CREBBP: variants seen among roughly 807,000 people sequenced by gnomAD.
CREBBP encodes the protein CREB-binding protein.
A neutral mutation model predicts 265.0 loss-of-function variants in CREBBP; 19 were observed. The ratio of observed to expected loss-of-function variants is 0.07; its 90% CI spans 0.05 to 0.11. The LOEUF (loss-of-function observed/expected upper bound fraction) is 0.11, where lower values mean the gene tolerates loss of function less well. Ranked by LOEUF, CREBBP falls within the 10% of genes least tolerant of loss-of-function variation. The pLI, the probability that CREBBP is intolerant of heterozygous loss-of-function variation, is 1.00. For synonymous variants in CREBBP, 1,457 were observed against 1,223.7 expected, an observed-to-expected ratio of 1.19 and a Z score of -3.98; for missense variants, 2,525 against 3,219.0, an observed-to-expected ratio of 0.78 and a Z score of 5.22.
At chr16:3,814,824 C>G (rs1005775333) in intron 2 of CREBBP, among the ~76,000 whole-genome samples, 1 of 152,134 alleles carries the variant, frequency 6.6e-6, no homozygotes. Context: ...ATGATAAAAA[C>G]AAAACCCAGG....
intron 1 of CREBBP, among the ~76,000 whole-genome samples, chr16:3,867,598 G>A (rs958007179): frequency 3.9e-5 from 6 of 151,962 alleles, no homozygotes; most frequent in Admixed American, 6.6e-5. Context: ...ACATTTTACC[G>A]TTAAAAAAGA....
intron 13 of CREBBP, among the ~76,000 whole-genome samples, chr16:3,773,384 G>C (rs2053060961): frequency 6.6e-6 from 1 of 152,074 alleles, no homozygotes. Context: ...TGAATTCATG[G>C]GTCCTTCTCA....
intron 3 of CREBBP, among the ~76,000 whole-genome samples, chr16:3,796,679 G>A (rs773125049): frequency 1.3e-5 from 2 of 152,136 alleles, no homozygotes; most frequent in African/African-American, 4.8e-5. Context: ...GAGCCACCAC[G>A]CCCAGCCTGG....
intron 10 of CREBBP, 114 bp downstream of exon 10, chr16:3,777,897 T>C (rs2053182666): frequency 7.6e-7 from 1 of 1,315,372 alleles, no homozygotes; most frequent in Admixed American, 1.7e-5. Context: ...ATCAACAGCT[T>C]CTGCAGGGCA....
Position 3,728,225 on chromosome 16 carries a change from C to G in CREBBP, c.6822G>C (p.Met2274Ile). The G allele has an allele frequency of 6.2e-7, 1 of 1,613,486 alleles. No individual in the cohort carries two copies. Among genetic ancestry groups the G allele is most frequent in the Non-Finnish European group, 8.5e-7 (1 of 1,179,966 alleles). The change falls in exon 31 of 31, where the codon ATG becomes ATC. Residue 2274 changes from methionine (M) to isoleucine (I), a missense_variant. By Grantham distance (10) the Met-to-Ile change is conservative (BLOSUM62 1). Around this residue, in one of 19 missense-constraint regions of CREBBP, gnomAD observed 473 missense variants for 459.3 expected, o/e 1.03. Transcript: ENST00000262367. This position sits in a 1 kb window ranked among gnomAD's most constrained non-coding sequence, Gnocchi z 8.7. ...TGTCTGCCCCCAGCCCCGGCTGCCC[C>G]ATCTGGCCAAGCTGTCCCATCTGAG... ...MAAQMGQLGQ[M>I]GQPGLGADST...
rs2051924767 is a variant in CREBBP, at chr16:3,731,806, C to T, written c.4860G>A (p.Lys1620=). ...MPNVSNDLSQ[K]LYATMEKHKE... ...TGTGCTTCTCCATGGTGGCATACAGCTTCTGGGACAGGTCATTGGACACGT... is the reference window on the plus strand; with the variant it reads ...TGTGCTTCTCCATGGTGGCATACAGTTTCTGGGACAGGTCATTGGACACGT... The change falls in exon 29 of 31, where the codon AAG becomes AAA. Residue 1620 remains lysine, a synonymous_variant. Coordinates refer to ENST00000262367, the MANE Select transcript of CREBBP (RefSeq NM_004380.3). This position sits in a 1 kb window ranked among gnomAD's most constrained non-coding sequence, Gnocchi z 7.7. The T allele has an allele frequency of 6.2e-7, 1 of 1,614,286 alleles. No homozygotes were observed. Among genetic ancestry groups the T allele is most frequent in the Non-Finnish European group, 8.5e-7 (1 of 1,180,050 alleles).
intron 11 of CREBBP, 97 bp from the exon 12 acceptor site, chr16:3,774,790 C>A: frequency 6.8e-7 from 1 of 1,474,744 alleles, no homozygotes; most frequent in South Asian, 1.2e-5. Flanking sequence ...TAAGATGGAA[C>A]GCACAGGCAA....
At chr16:3,843,011 G>C (rs1030506282) in intron 2 of CREBBP, among the ~76,000 whole-genome samples, 11 of 138,992 alleles carry the variant, frequency 7.9e-5, no homozygotes, top group Non-Finnish European at 1.7e-4. Flanking sequence ...AATGAGAAGA[G>C]AAATAATCAC....
At position 3,731,372 on chromosome 16, in the gene CREBBP, G is replaced by A. The variant is rs756979739; in HGVS notation, c.4992C>T (p.Arg1664=). ...CTCTGGCGAGGGTGAGGAAGGCGTC[G>A]CGCCCATCCATGAGGTCACAGCTGA... ...PLLSCDLMDG[R]DAFLTLARDK... The change falls in exon 30 of 31, where the codon CGC becomes CGT. Residue 1664 remains arginine (R), a synonymous_variant. Transcript: ENST00000262367. This position sits in a 1 kb window ranked among gnomAD's most constrained non-coding sequence, Gnocchi z 7.7. 77 of 1,612,532 alleles carry A rather than the reference G, an allele frequency of 4.8e-5. No homozygotes were observed. The Admixed American group carries it at 8.4e-4, about 18-fold the overall frequency.
At chr16:3,849,394 T>G (rs2054737841) in intron 2 of CREBBP, among the ~76,000 whole-genome samples, 1 of 2,482 alleles carries the variant, frequency 4.0e-4, no homozygotes, top group Non-Finnish European at 7.4e-3. Context: ...TGTGTGTGTG[T>G]GTGTGTGTGT....
intron 19 of CREBBP, among the ~76,000 whole-genome samples, chr16:3,757,002 C>T (rs1202798217): frequency 6.6e-6 from 1 of 152,168 alleles, no homozygotes; most frequent in Non-Finnish European, 1.5e-5. Flanking sequence ...GCCTAAGTGA[C>T]TAACAAGACA....
At position 3,726,007 on chromosome 16, in the gene CREBBP, C is replaced by T. The variant is rs1318556072; in HGVS notation, c.*1711G>A. On this transcript the variant is annotated 3_prime_UTR_variant, in exon 31 of 31. Coordinates refer to ENST00000262367, the MANE Select transcript of CREBBP (RefSeq NM_004380.3). ...ACCCACTCAGTAAGGGAGCCTGGAA[C>T]TGGACTCCAAGGGAGGCAGGACCAT... 1 of 233,104 alleles carries T rather than the reference C, an allele frequency of 4.3e-6. No homozygotes were observed. The highest frequency in any genetic ancestry group is 8.5e-6 in the Non-Finnish European group (1 of 118,012). The allele number at this position is 233,104 out of a possible 1,614,324, so 14.4% of individuals were successfully genotyped here. A position where few individuals can be genotyped will look rare whatever the true frequency, so the allele number is the denominator to read the frequency against.
chr16:3,836,292 G>C (rs1044396754), intron 2 of CREBBP, among the ~76,000 whole-genome samples: 1 of 151,916 alleles, frequency 6.6e-6, no homozygotes, highest in African/African-American at 2.4e-5. Context: ...AAGCCAGCTG[G>C]GCATGGTGGT....
intron 1 of CREBBP, among the ~76,000 whole-genome samples, chr16:3,875,392 C>G (rs965493642): frequency 1.4e-4 from 22 of 152,196 alleles, no homozygotes; most frequent in African/African-American, 5.3e-4. Context: ...TTAGCCAGAA[C>G]TCACTGATGG....
intron 16 of CREBBP, 190 bp downstream of exon 16, chr16:3,767,530 C>A: frequency 1.4e-6 from 1 of 723,936 alleles, no homozygotes; most frequent in Non-Finnish European, 2.2e-6. Flanking sequence ...GCCATGAGCC[C>A]CACAGGCACA....
At chr16:3,739,800 TC>T in intron 24 of CREBBP, 76 bp from the exon 25 acceptor site, 1 of 1,600,916 alleles carries the variant, frequency 6.2e-7, no homozygotes. Flanking sequence ...GGCCTGCTCC[TC>T]TAACTCTGGC....
At chr16:3,859,560 G>A (rs761274704) in intron 1 of CREBBP, among the ~76,000 whole-genome samples, 15 of 152,316 alleles carry the variant, frequency 9.8e-5, no homozygotes, top group South Asian at 2.1e-4. Context: ...CTTCGGACAG[G>A]AGCTGGTCAC....
chr16:3,753,740 G>A (rs948606190), intron 19 of CREBBP, among the ~76,000 whole-genome samples: 11 of 152,090 alleles, frequency 7.2e-5, no homozygotes, highest in Admixed American at 4.6e-4. Flanking sequence ...ACACAAAAAA[G>A]ACATTCCCTC....
rs1220041998 is a variant in CREBBP at position 3,793,351 on chromosome 16, C to T, written c.1216+35G>A. On this transcript the variant is annotated intron_variant, in intron 4 of 30. Coordinates refer to ENST00000262367, the MANE Select transcript of CREBBP (RefSeq NM_004380.3). ...AACAATAAAGGCAAATTCTTCCTGA[C>T]CTCTACCACTAGGAGTTCCAAAAAC... 3 of 1,613,342 alleles carry T rather than the reference C, an allele frequency of 1.9e-6. No homozygotes were observed. The South Asian group carries it at 3.3e-5, about 18-fold the overall frequency.
Sources: allele counts gnomAD v4.1 joint callset (sites outside exome capture counted in the v4.1 genomes callset), GRCh38; gene constraint gnomAD v4.1.1; regional missense constraint gnomAD v4.1.1; non-coding constraint Gnocchi (gnomAD v3.1); transcripts MANE v1.5; gene names NCBI Gene and HGNC (gene_info 2026-07-23, HGNC 2026-07-21).